CCDC187: variants seen among roughly 807,000 people sequenced by gnomAD.
CCDC187 encodes coiled-coil domain-containing protein 187.
Under a neutral mutation model 38.0 loss-of-function variants are expected in CCDC187, and 32 were observed. The ratio of observed to expected loss-of-function variants is 0.84; its 90% confidence interval spans 0.64 to 1.13. The LOEUF is 1.13. CCDC187 is among the 50% of genes most tolerant of loss of function. The probability of loss-of-function intolerance (pLI) is 0.00; values close to 1 mark genes in which losing one functional copy is unlikely to be tolerated. For missense variants in CCDC187, 707 were observed against 786.8 expected (o/e 0.90, Z 1.21); for synonymous variants, 333 against 347.9 (o/e 0.96, Z 0.48).
intron 19 of CCDC187, 137 bp downstream of exon 19, chr9:136,262,174 G>T: frequency 1.3e-6 from 1 of 762,970 alleles, no homozygotes; most frequent in Non-Finnish European, 1.6e-6. Context: ...CCCTGGGAGG[G>T]GATGCCCAGG....
intron 3 of CCDC187, among the ~76,000 whole-genome samples, chr9:136,298,546 G>A (rs1381941363): frequency 1.3e-5 from 2 of 152,224 alleles, no homozygotes; most frequent in Non-Finnish European, 2.9e-5. Flanking sequence ...GCGAGAACCT[G>A]CCTTGTCCCC....
Position 136,276,174 on chromosome 9 carries a change from C to G in CCDC187, c.3225+20G>C, listed in dbSNP as rs1830927150. 6.6e-6 allele frequency: 1 copy of G among 152,248 alleles called. No individual in the cohort carries two copies. The highest frequency in any genetic ancestry group is 2.1e-4 in the South Asian group (1 of 4,832). The allele number at this position is 152,248 out of a possible 1,614,324, so 9.4% of individuals were successfully genotyped here. On this transcript the variant is annotated intron_variant, in intron 12 of 25. Coordinates refer to ENST00000638797, the MANE Select transcript of CCDC187 (RefSeq NM_001378188.1). Reference sequence around the variant, plus strand: ...CCTCCTGCAGAGACAGGGGCTCCCCCTGTGGCAAGCGGCTGCTACCTCCAG... The same window carrying G: ...CCTCCTGCAGAGACAGGGGCTCCCCGTGTGGCAAGCGGCTGCTACCTCCAG...
intron 17 of CCDC187, among the ~76,000 whole-genome samples, chr9:136,265,338 T>C (rs1554761480): frequency 6.6e-6 from 1 of 152,174 alleles, no homozygotes; most frequent in East Asian, 1.9e-4. Flanking sequence ...GTGACAACGA[T>C]GGCAGGAAGG....
At chr9:136,259,830 T>A (rs533454351) in intron 20 of CCDC187, among the ~76,000 whole-genome samples, 1 of 152,210 alleles carries the variant, frequency 6.6e-6, no homozygotes, top group Non-Finnish European at 1.5e-5. Flanking sequence ...TGAGGAGCCC[T>A]TCCCAGACAG....
rs1452009590 is a variant in CCDC187 at position 136,291,036 on chromosome 9, G to C, written c.1577C>G (p.Pro526Arg). 1 of 398,732 alleles carries C rather than the reference G, an allele frequency of 2.5e-6. No individual in the cohort carries two copies. The highest frequency in any genetic ancestry group is 4.4e-6 in the Non-Finnish European group (1 of 226,182). 24.7% of individuals were successfully genotyped at this position (398,732 alleles called of 1,614,324 possible). Residue 526 changes from proline to arginine, a missense_variant, in exon 6 of 26, where the codon CCC (proline) becomes CGC (arginine). Physicochemically the swap from Pro to Arg is moderately radical, Grantham distance 103 (BLOSUM62 -2). Coordinates refer to ENST00000638797, the MANE Select transcript of CCDC187 (RefSeq NM_001378188.1). ...AGCACTCCAGGGCTGCTGGGGGAAG[G>C]GGCTCCGCTTTTCAGGGGGGCTCCC... Reference protein sequence around the residue: ...RPGSPPEKRSPFPQQPWSAVA... With the variant: ...RPGSPPEKRSRFPQQPWSAVA...
intron 12 of CCDC187, among the ~76,000 whole-genome samples, chr9:136,275,648 C>T (rs1295209950): frequency 1.3e-5 from 2 of 152,196 alleles, no homozygotes; most frequent in Admixed American, 6.5e-5. Flanking sequence ...GTCAGCCACC[C>T]GATCAATCCC....
chr9:136,302,087 G>A (rs1831699796), intron 2 of CCDC187, among the ~76,000 whole-genome samples: 1 of 151,950 alleles, frequency 6.6e-6, no homozygotes, highest in African/African-American at 2.4e-5. Context: ...ACGGGTGCCT[G>A]TAATCCCAGC....
chr9:136,286,300 G>C lies in CCDC187; in HGVS notation c.2618C>G (p.Pro873Arg). The C allele has an allele frequency of 2.5e-6, 1 of 398,600 alleles. No individual in the cohort carries two copies. Among genetic ancestry groups the C allele is most frequent in the South Asian group, 1.3e-4 (1 of 7,864 alleles). The allele number at this position is 398,600 out of a possible 1,614,324, so 24.7% of individuals were successfully genotyped here. Residue 873 changes from proline to arginine, a missense_variant, in exon 8 of 26, where the codon CCC becomes CGC. By Grantham distance (103) the Pro-to-Arg change is moderately radical. Transcript: ENST00000638797. ...GGCAAGCGTGGGGGTGGCGAGCGTG[G>C]GGGCGGCAGGTAGGCTGTGGGGGCA... Reference protein sequence around the residue: ...RSCPHSLPAAPTLATPTLATP... With the variant: ...RSCPHSLPAARTLATPTLATP...
chr9:136,254,547 C>T lies in CCDC187; in HGVS notation c.5281G>A (p.Val1761Ile), dbSNP rs1830589412. Reference protein sequence around the residue: ...GSELSEASSKVWEEDCEEDLP... With the variant: ...GSELSEASSKIWEEDCEEDLP... Reference sequence around the variant, plus strand: ...TCCTCCTCGCAGTCCTCCTCCCAAACTTTGCTGGAGGCCTCTGACAGCTCT... The same window carrying T: ...TCCTCCTCGCAGTCCTCCTCCCAAATTTTGCTGGAGGCCTCTGACAGCTCT... Residue 1761 changes from valine (V) to isoleucine (I), a missense_variant, in exon 26 of 26, where the codon GTT (valine) becomes ATT (isoleucine). Transcript: ENST00000638797. 3 of 985,520 alleles carry T rather than the reference C, an allele frequency of 3.0e-6. No individual in the cohort carries two copies. The highest frequency in any genetic ancestry group is 9.4e-5 in the South Asian group (2 of 21,290). 61.0% of individuals were successfully genotyped at this position (985,520 alleles called of 1,614,324 possible). A position where few individuals can be genotyped will look rare whatever the true frequency, so the allele number is the denominator to read the frequency against.
In CCDC187 at chr9:136,252,267, C is replaced by T. The variant is rs117514495; in HGVS notation, c.*1327G>A. On this transcript the variant is annotated 3_prime_UTR_variant, in exon 26 of 26. Transcript: ENST00000638797. ...CGGGAAGGTCCAGGCGACCGTCCTG[C>T]GGAGCCGGCCGCCCACCTGGTCCAC... 0.078 allele frequency: 9,282 copies of T among 118,370 alleles called. 1,035 individuals carry two copies. The highest frequency in any genetic ancestry group is 0.15 in the Admixed American group (1,713 of 11,152). The allele number at this position is 118,370 out of a possible 1,614,324, so 7.3% of individuals were successfully genotyped here. A position where few individuals can be genotyped will look rare whatever the true frequency, so the allele number is the denominator to read the frequency against.
At chr9:136,296,241 G>A (rs1831532290) in intron 4 of CCDC187, 1 of 152,290 alleles carries the variant, frequency 6.6e-6, no homozygotes, top group Non-Finnish European at 1.5e-5. Flanking sequence ...TTACAGGAGT[G>A]GCCAGCGAGC....
chr9:136,295,056 C>T lies in CCDC187; in HGVS notation c.832+2658G>A, dbSNP rs903147483. Among the ~76,000 whole-genome samples the T allele has an allele frequency of 2.8e-4, 42 of 152,334 alleles. No individual in the cohort carries two copies. The South Asian group carries it at 5.4e-3, about 20-fold the overall frequency. On this transcript the variant is annotated intron_variant, in intron 4 of 25. Coordinates refer to ENST00000638797, the MANE Select transcript of CCDC187 (RefSeq NM_001378188.1). Reference sequence around the variant, plus strand: ...GGCCACAAGAATGAAAGGGCAGTCACGATCATTGCAGGAGTTAGGCCTGGA... The same window carrying T: ...GGCCACAAGAATGAAAGGGCAGTCATGATCATTGCAGGAGTTAGGCCTGGA...
At chr9:136,289,518 C>CAAAAAAAA (rs878962393) in intron 7 of CCDC187, among the ~76,000 whole-genome samples, 3 of 67,298 alleles carry the variant, frequency 4.5e-5, no homozygotes, top group African/African-American at 1.3e-4. Context: ...AACTCCATCT[C>CAAAAAAAA]AAAAAAAAAA....
At chr9:136,267,666 C>T in intron 15 of CCDC187, 155 bp from the exon 16 acceptor site, 1 of 962,138 alleles carries the variant, frequency 1.0e-6, no homozygotes, top group Non-Finnish European at 1.2e-6. Flanking sequence ...GACTGCCCGC[C>T]CCTCCCATCC....
rs375425397 is a variant in CCDC187, at chr9:136,259,642, C to T, written c.4211-194G>A. ...CTGCCATGTCCCCTGCCTGGAGGCC[C>T]GAGGGTCTGCTCAGCCCCAGCCTGG... On this transcript the variant is annotated intron_variant, in intron 20 of 25. Coordinates refer to ENST00000638797, the MANE Select transcript of CCDC187 (RefSeq NM_001378188.1). Among the ~76,000 whole-genome samples, 4 of 152,144 alleles carry T rather than the reference C, an allele frequency of 2.6e-5. No homozygotes were observed. In the East Asian group the frequency reaches 5.8e-4, roughly 22 times the overall value.
At chr9:136,270,091 C>T (rs1367048213) in intron 14 of CCDC187, among the ~76,000 whole-genome samples, 2 of 152,348 alleles carry the variant, frequency 1.3e-5, no homozygotes, top group East Asian at 3.9e-4. Flanking sequence ...CTTCAGTAAG[C>T]TCACAACTTC....
At chr9:136,267,286 C>T (rs996415892) in intron 16 of CCDC187, 98 bp downstream of exon 16, 5 of 875,230 alleles carry the variant, frequency 5.7e-6, no homozygotes, top group Non-Finnish European at 6.8e-6. Flanking sequence ...CGGGCGGGAC[C>T]CGGACGGGGC....
rs1216308696 is a variant in CCDC187 at position 136,255,699 on chromosome 9, A to G, written c.4651T>C (p.Ser1551Pro). 2.0e-6 allele frequency: 2 copies of G among 985,278 alleles called. No homozygotes were observed. The highest frequency in any genetic ancestry group is 2.4e-6 in the Non-Finnish European group (2 of 829,970). The allele number at this position is 985,278 out of a possible 1,614,324, so 61.0% of individuals were successfully genotyped here. The change falls in exon 25 of 26, where the codon TCC becomes CCC. Residue 1551 changes from serine (S) to proline (P), a missense_variant. Physicochemically the swap from Ser to Pro is moderately conservative, Grantham distance 74. Transcript: ENST00000638797. Reference protein sequence around the residue: ...EACQQEVPGISSTWLEAAQAA... With the variant: ...EACQQEVPGIPSTWLEAAQAA... Reference sequence around the variant, plus strand: ...TGGGCAGCCTCCAGCCAGGTGGAGGAGATGCCGGGGACCTCCTGCTGACAG... The same window carrying G: ...TGGGCAGCCTCCAGCCAGGTGGAGGGGATGCCGGGGACCTCCTGCTGACAG...
At position 136,292,240 on chromosome 9, in the gene CCDC187, C is replaced by T. The variant is rs1012571596; in HGVS notation, c.888G>A (p.Ser296=). Residue 296 remains serine (S), a synonymous_variant, in exon 5 of 26, where the codon TCG becomes TCA. Transcript: ENST00000638797. ...GGAGGACGGGAGGGGGCCCAAGCAG[C>T]GACCTCACCAGAGCTTGTCCCTTTC... is the stretch of plus-strand genomic sequence containing the variant. ...AWRKGQALVR[S]LLGPPPVLRR... 7.3e-5 allele frequency: 29 copies of T among 398,758 alleles called. No individual in the cohort carries two copies. In the East Asian group the frequency reaches 1.0e-3, roughly 14 times the overall value. The allele number at this position is 398,758 out of a possible 1,614,324, so 24.7% of individuals were successfully genotyped here. A position where few individuals can be genotyped will look rare whatever the true frequency, so the allele number is the denominator to read the frequency against.
Sources: allele counts gnomAD v4.1 joint callset (sites outside exome capture counted in the v4.1 genomes callset), GRCh38; gene constraint gnomAD v4.1.1; transcripts MANE v1.5; gene names NCBI Gene and HGNC (gene_info 2026-07-23, HGNC 2026-07-21).